The following LRP1B variants were observed in gnomAD, a reference collection of about 807,000 sequenced individuals.
The protein encoded by LRP1B is low-density lipoprotein receptor-related protein 1B.
In LRP1B, 217 loss-of-function variants were observed where a neutral mutation model predicts 556.6. That is an observed-to-expected ratio of 0.39 (90% CI 0.35 to 0.44). LRP1B has a LOEUF of 0.44. LRP1B is among the 20% of genes least tolerant of loss of function. LRP1B has a pLI of 1.00. For synonymous variants in LRP1B, 2,047 were observed against 1,865.8 expected, an observed-to-expected ratio of 1.10 and a Z score of -2.50; for missense variants, 5,053 against 5,620.8, an observed-to-expected ratio of 0.90 and a Z score of 3.23.
At position 140,702,216 on chromosome 2, in the gene LRP1B, T is replaced by C. The variant is rs766381783; in HGVS notation, c.6227A>G (p.Glu2076Gly). The C allele has an allele frequency of 8.7e-6, 14 of 1,613,752 alleles. No homozygotes were observed. The African/African-American group carries it at 1.2e-4, about 14-fold the overall frequency. ...RIDLETGGNR[E>G]MVLSGSNVDM... ...CACATTGCTTCCTGACAGCACCATC[T>C]CGCGATTCCCTCCAGTCTCAAGGTC... The change falls in exon 39 of 91, where the codon GAG (glutamate) becomes GGG (glycine). Residue 2076 changes from glutamate (E) to glycine (G), a missense_variant. By Grantham distance (98) the Glu-to-Gly change is moderately conservative. This residue lies in a region of LRP1B where 3,619 missense variants were observed against 3,931.9 expected (regional missense o/e 0.92). Transcript: ENST00000389484.
intron 41 of LRP1B, among the ~76,000 whole-genome samples, chr2:140,647,207 G>A (rs1355211159): frequency 6.6e-5 from 10 of 151,988 alleles, no homozygotes; most frequent in African/African-American, 2.4e-4. Flanking sequence ...AAAAAAACTT[G>A]AAATCTTAAT....
chr2:141,649,659 C>A (rs1689712167), intron 2 of LRP1B, among the ~76,000 whole-genome samples: 1 of 152,124 alleles, frequency 6.6e-6, no homozygotes, highest in South Asian at 2.1e-4. Context: ...AATTCCAATA[C>A]CTCTAATTGT....
chr2:141,304,506 G>A (rs912758430), intron 3 of LRP1B, among the ~76,000 whole-genome samples: 1 of 119,668 alleles, frequency 8.4e-6, no homozygotes, highest in African/African-American at 3.2e-5. Flanking sequence ...TTGAGATGGA[G>A]TCTCGTTCTG....
chr2:141,047,948 C>T (rs984285578), intron 11 of LRP1B, among the ~76,000 whole-genome samples: 2 of 152,034 alleles, frequency 1.3e-5, no homozygotes, highest in African/African-American at 2.4e-5. Context: ...CTGTGAATAT[C>T]CATTACATAG....
At chr2:140,575,115 T>C (rs1681469711) in intron 43 of LRP1B, among the ~76,000 whole-genome samples, 1 of 152,186 alleles carries the variant, frequency 6.6e-6, no homozygotes, top group Non-Finnish European at 1.5e-5. Context: ...AACATTACTG[T>C]GATCCTGCGA....
intron 3 of LRP1B, among the ~76,000 whole-genome samples, chr2:141,479,743 T>A (rs757353191): frequency 2.6e-4 from 40 of 152,130 alleles, no homozygotes; most frequent in Non-Finnish European, 7.4e-5. Flanking sequence ...TCTCTTCATC[T>A]CATGTTTCAT....
intron 1 of LRP1B, among the ~76,000 whole-genome samples, chr2:141,860,556 G>A (rs562517671): frequency 6.6e-6 from 1 of 152,116 alleles, no homozygotes; most frequent in East Asian, 1.9e-4. Flanking sequence ...TGAAGTTAAT[G>A]ACTTCATCAT....
At chr2:141,875,882 T>G (rs1698742380) in intron 1 of LRP1B, among the ~76,000 whole-genome samples, 1 of 151,988 alleles carries the variant, frequency 6.6e-6, no homozygotes, top group Non-Finnish European at 1.5e-5. Flanking sequence ...TTTTCCAATA[T>G]GAAGAGTCAA....
intron 86 of LRP1B, among the ~76,000 whole-genome samples, chr2:140,257,210 CATG>C (rs1392938495): frequency 1.3e-5 from 2 of 152,070 alleles, no homozygotes; most frequent in Non-Finnish European, 2.9e-5. Flanking sequence ...AAGCACAGAA[CATG>C]AGCATAAAAT....
intron 11 of LRP1B, among the ~76,000 whole-genome samples, chr2:141,023,750 GCTTTA>G (rs1335372645): frequency 6.6e-6 from 1 of 151,954 alleles, no homozygotes; most frequent in African/African-American, 2.4e-5. Flanking sequence ...AGATCTTGAT[GCTTTA>G]CAACAGAATT....
chr2:140,654,333 A>T (rs146722409), intron 41 of LRP1B, among the ~76,000 whole-genome samples: 23 of 152,310 alleles, frequency 1.5e-4, no homozygotes, highest in Middle Eastern at 3.4e-3. Flanking sequence ...TATTGTGAGC[A>T]AATTATGACA....
intron 2 of LRP1B, among the ~76,000 whole-genome samples, chr2:141,551,609 T>A (rs1376292129): frequency 2.0e-5 from 3 of 152,064 alleles, no homozygotes; most frequent in African/African-American, 7.2e-5. Context: ...CCTTGGAATA[T>A]ATTCAAACCT....
intron 32 of LRP1B, among the ~76,000 whole-genome samples, chr2:140,783,884 G>A (rs963927598): frequency 6.6e-6 from 1 of 152,190 alleles, no homozygotes; most frequent in Admixed American, 6.5e-5. Context: ...TACATTAGAA[G>A]TTCTCAAATT....
chr2:140,430,928 T>C (rs1685907416), intron 66 of LRP1B, among the ~76,000 whole-genome samples: 1 of 152,176 alleles, frequency 6.6e-6, no homozygotes, highest in Non-Finnish European at 1.5e-5. Context: ...TTGACTTTAC[T>C]CACATGCCCT....
At chr2:142,038,880 T>C (rs1868544) in intron 1 of LRP1B, among the ~76,000 whole-genome samples, 71,546 of 151,338 alleles carry the variant, frequency 0.47, 17,660 homozygotes, top group East Asian at 0.69. Flanking sequence ...GACTGGAGCG[T>C]AGTGGCCTTG....
At chr2:140,942,562 G>A (rs112745924) in intron 20 of LRP1B, among the ~76,000 whole-genome samples, 4 of 152,128 alleles carry the variant, frequency 2.6e-5, no homozygotes, top group African/African-American at 9.7e-5. Context: ...CACCTTCAAA[G>A]TGAATCCTAT....
At chr2:141,300,691 T>C (rs566039205) in intron 3 of LRP1B, among the ~76,000 whole-genome samples, 1 of 152,320 alleles carries the variant, frequency 6.6e-6, no homozygotes, top group East Asian at 1.9e-4. Context: ...CTCTCGCTCT[T>C]GCTCTGGCTG....
At chr2:140,286,279 G>C (rs1397540685) in intron 84 of LRP1B, among the ~76,000 whole-genome samples, 1 of 151,832 alleles carries the variant, frequency 6.6e-6, no homozygotes, top group East Asian at 1.9e-4. Context: ...ATCATCCAAG[G>C]CTGGTTCGTC....
chr2:141,825,182 A>G (rs533446329), intron 1 of LRP1B, among the ~76,000 whole-genome samples: 85 of 152,354 alleles, frequency 5.6e-4, no homozygotes, highest in African/African-American at 1.8e-3. Context: ...AAAGGTAACA[A>G]CTAGCTCTGA....
Sources: allele counts gnomAD v4.1 joint callset (sites outside exome capture counted in the v4.1 genomes callset), GRCh38; gene constraint gnomAD v4.1.1; regional missense constraint gnomAD v4.1.1; transcripts MANE v1.5; gene names NCBI Gene and HGNC (gene_info 2026-07-23, HGNC 2026-07-21).